The following SMYD3 variants were observed in gnomAD, a reference collection of about 807,000 sequenced individuals.
SMYD3 encodes histone-lysine N-methyltransferase SMYD3.
SMYD3 carries 36 observed loss-of-function variants against 57.7 expected under a neutral mutation model. That is an observed-to-expected ratio of 0.62 (90% CI 0.48 to 0.82). The LOEUF is 0.82. SMYD3 is among the 40% of genes least tolerant of loss of function. The pLI, the probability that SMYD3 is intolerant of heterozygous loss-of-function variation, is 0.00. For synonymous variants in SMYD3, 211 were observed against 195.0 expected, an observed-to-expected ratio of 1.08 and a Z score of -0.68; for missense variants, 515 against 538.8, an observed-to-expected ratio of 0.96 and a Z score of 0.44.
intron 8 of SMYD3, among the ~76,000 whole-genome samples, chr1:245,897,269 G>T (rs370717713): frequency 6.6e-6 from 1 of 152,168 alleles, no homozygotes; most frequent in African/African-American, 2.4e-5. Context: ...TTAAAAACAC[G>T]GACAAAATGC....
At chr1:245,769,918 C>G (rs578158606) in intron 10 of SMYD3, among the ~76,000 whole-genome samples, 2 of 152,282 alleles carry the variant, frequency 1.3e-5, no homozygotes, top group East Asian at 3.9e-4. Flanking sequence ...GTTCCAACAA[C>G]TGCAGATCAA....
chr1:245,962,824 A>G (rs2058044387), intron 5 of SMYD3, among the ~76,000 whole-genome samples: 1 of 125,528 alleles, frequency 8.0e-6, no homozygotes, highest in Non-Finnish European at 1.8e-5. Context: ...TGATATTTTA[A>G]ACAGGCAACA....
chr1:246,331,949 G>A (rs1038380948), intron 3 of SMYD3, among the ~76,000 whole-genome samples: 1 of 138,898 alleles, frequency 7.2e-6, no homozygotes, highest in African/African-American at 2.8e-5. Flanking sequence ...AATGTTGTGC[G>A]TGTTCTCACT....
chr1:246,356,283 G>C (rs1379501680), intron 1 of SMYD3, among the ~76,000 whole-genome samples: 1 of 152,058 alleles, frequency 6.6e-6, no homozygotes, highest in Admixed American at 6.6e-5. Context: ...TGGAACAAAA[G>C]TATCTGAACA....
intron 5 of SMYD3, among the ~76,000 whole-genome samples, chr1:246,057,318 T>G (rs1226973958): frequency 6.6e-6 from 1 of 152,204 alleles, no homozygotes; most frequent in South Asian, 2.1e-4. Flanking sequence ...TAGAGTTACA[T>G]GCAGAACTGA....
chr1:246,382,586 T>C (rs914143437), intron 1 of SMYD3, among the ~76,000 whole-genome samples: 56 of 149,868 alleles, frequency 3.7e-4, no homozygotes, highest in African/African-American at 1.3e-3. Context: ...CCCCAGACTC[T>C]AATAGACCCA....
chr1:246,470,577 T>C (rs926048239), intron 1 of SMYD3, among the ~76,000 whole-genome samples: 4 of 149,592 alleles, frequency 2.7e-5, no homozygotes, highest in East Asian at 3.9e-4. Context: ...ACTATATATA[T>C]ACACACACAC....
intron 8 of SMYD3, among the ~76,000 whole-genome samples, chr1:245,872,895 G>A (rs2052287656): frequency 6.6e-6 from 1 of 152,204 alleles, no homozygotes; most frequent in South Asian, 2.1e-4. Context: ...AGAACTTCTA[G>A]AACCACCAAA....
At chr1:246,341,422 T>C (rs1445374259) in intron 2 of SMYD3, among the ~76,000 whole-genome samples, 1 of 152,232 alleles carries the variant, frequency 6.6e-6, no homozygotes, top group Admixed American at 6.5e-5. Flanking sequence ...GCTATATTCA[T>C]GTCTGTTTTT....
At chr1:246,335,916 C>T (rs2065535983) in intron 2 of SMYD3, among the ~76,000 whole-genome samples, 1 of 152,156 alleles carries the variant, frequency 6.6e-6, no homozygotes, top group Non-Finnish European at 1.5e-5. Flanking sequence ...AATTTCTGTG[C>T]TGCTACAGAA....
intron 5 of SMYD3, among the ~76,000 whole-genome samples, chr1:246,299,381 C>G (rs1023171211): frequency 6.6e-5 from 10 of 152,084 alleles, no homozygotes; most frequent in African/African-American, 2.2e-4. Context: ...GGAACGCTTA[C>G]AAACTGTTGG....
At chr1:245,951,779 T>C (rs551428085) in intron 5 of SMYD3, among the ~76,000 whole-genome samples, 72 of 152,130 alleles carry the variant, frequency 4.7e-4, no homozygotes, top group Non-Finnish European at 8.4e-4. Flanking sequence ...TCTTCATTAT[T>C]ACAAACAAAA....
intron 10 of SMYD3, among the ~76,000 whole-genome samples, chr1:245,772,739 T>C (rs2046386140): frequency 4.6e-5 from 7 of 152,220 alleles, no homozygotes; most frequent in Admixed American, 4.6e-4. Flanking sequence ...ACTTTGCACA[T>C]GATCCATTAT....
At chr1:246,364,237 A>T (rs1401063431) in intron 1 of SMYD3, among the ~76,000 whole-genome samples, 1 of 152,074 alleles carries the variant, frequency 6.6e-6, no homozygotes, top group Non-Finnish European at 1.5e-5. Flanking sequence ...AAAAAAAAAA[A>T]AACCTGAATT....
At chr1:245,855,323 TG>T (rs35484223) in intron 10 of SMYD3, among the ~76,000 whole-genome samples, 4 of 151,198 alleles carry the variant, frequency 2.6e-5, no homozygotes, top group Non-Finnish European at 4.4e-5. Flanking sequence ...TTTTAGGGGC[TG>T]GGGGGGGAAT....
At chr1:246,097,276 G>A (rs925947004) in intron 5 of SMYD3, among the ~76,000 whole-genome samples, 1 of 152,068 alleles carries the variant, frequency 6.6e-6, no homozygotes, top group African/African-American at 2.4e-5. Flanking sequence ...CAATAAATAG[G>A]GAGGGGGTTA....
At chr1:245,863,349 G>A (rs1377374211) in intron 9 of SMYD3, among the ~76,000 whole-genome samples, 1 of 152,150 alleles carries the variant, frequency 6.6e-6, no homozygotes, top group Non-Finnish European at 1.5e-5. Context: ...CTGAGAAAAT[G>A]TGTCGTGCAG....
intron 5 of SMYD3, among the ~76,000 whole-genome samples, chr1:246,002,919 C>A (rs1572875273): frequency 6.6e-6 from 1 of 152,286 alleles, no homozygotes; most frequent in South Asian, 2.1e-4. Context: ...CCGGCCACCT[C>A]CTCTTACAGT....
In SMYD3 at chr1:246,062,839, A is replaced by C. The variant is rs543357441; in HGVS notation, c.532-132902T>G. ...GAGCGAAGGTATGTTGAAAAAAATTAGATTTTCCTGGTAACTTAATTTTGA... is the reference window on the plus strand; with the variant it reads ...GAGCGAAGGTATGTTGAAAAAAATTCGATTTTCCTGGTAACTTAATTTTGA... On this transcript the variant is annotated intron_variant, in intron 5 of 11. Coordinates refer to ENST00000490107, the MANE Select transcript of SMYD3 (RefSeq NM_001167740.2). Among the ~76,000 whole-genome samples, 18 of 152,324 alleles carry C rather than the reference A, an allele frequency of 1.2e-4. No homozygotes were observed. The South Asian group carries it at 3.7e-3, about 32-fold the overall frequency.
Sources: allele counts gnomAD v4.1 joint callset (sites outside exome capture counted in the v4.1 genomes callset), GRCh38; gene constraint gnomAD v4.1.1; transcripts MANE v1.5; gene names NCBI Gene and HGNC (gene_info 2026-07-23, HGNC 2026-07-21).